Variants in SLC44A5 observed in about 807,000 individuals in gnomAD.
SLC44A5 encodes the protein choline transporter-like protein 5.
Under a neutral mutation model 101.8 loss-of-function variants are expected in SLC44A5, and 57 were observed. That is an observed-to-expected ratio of 0.56 (90% CI 0.45 to 0.70). SLC44A5 has a LOEUF of 0.70. SLC44A5 is among the 30% of genes least tolerant of loss of function. SLC44A5 has a pLI of 0.00. For synonymous variants in SLC44A5, 281 were observed against 290.9 expected, an observed-to-expected ratio of 0.97 and a Z score of 0.35; for missense variants, 737 against 853.1, an observed-to-expected ratio of 0.86 and a Z score of 1.70.
At chr1:75,701,399 C>G in the SLC44A5 span, among the ~76,000 whole-genome samples, 1 of 152,136 alleles carries the variant, frequency 6.6e-6, no homozygotes, top group Non-Finnish European at 1.5e-5. Context: ...GAACCAACAA[C>G]AAAAACCATA....
intron 4 of SLC44A5, among the ~76,000 whole-genome samples, chr1:75,336,901 AC>A (rs1175416208): frequency 4.6e-5 from 7 of 152,196 alleles, no homozygotes; most frequent in African/African-American, 1.7e-4. Flanking sequence ...AGCGCAGAGA[AC>A]TCTGCTACTA....
At chr1:75,506,154 C>A (rs1183877584) in intron 2 of SLC44A5, among the ~76,000 whole-genome samples, 2 of 151,990 alleles carry the variant, frequency 1.3e-5, no homozygotes, top group Admixed American at 6.6e-5. Flanking sequence ...GAAGACCAGA[C>A]AGTTGTAGGT....
chr1:75,443,379 A>G (rs1665319287), intron 2 of SLC44A5, among the ~76,000 whole-genome samples: 1 of 152,072 alleles, frequency 6.6e-6, no homozygotes, highest in South Asian at 2.1e-4. Context: ...ACATAAAAAA[A>G]GAAAACACAA....
chr1:75,445,360 G>T (rs1040314262), intron 2 of SLC44A5, among the ~76,000 whole-genome samples: 3 of 151,986 alleles, frequency 2.0e-5, no homozygotes, highest in African/African-American at 7.3e-5. Flanking sequence ...GCAGATGCTG[G>T]TGCCATCTTT....
chr1:75,240,843 G>T (rs1648562757), intron 9 of SLC44A5, among the ~76,000 whole-genome samples: 1 of 151,970 alleles, frequency 6.6e-6, no homozygotes, highest in Admixed American at 6.6e-5. Flanking sequence ...CCACAGTTTT[G>T]CCACTCCCAA....
At chr1:75,633,626 A>G in the SLC44A5 span, among the ~76,000 whole-genome samples, 4 of 152,078 alleles carry the variant, frequency 2.6e-5, no homozygotes, top group Non-Finnish European at 5.9e-5. Context: ...TTGGGCTGAG[A>G]CAATGGGGTT....
At chr1:75,554,469 CAA>C (rs35263222) in intron 1 of SLC44A5, among the ~76,000 whole-genome samples, 9 of 123,352 alleles carry the variant, frequency 7.3e-5, no homozygotes, top group South Asian at 2.8e-4. Context: ...GTGACTCTGT[CAA>C]AAAAAAAAAA....
chr1:75,243,144 A>C, intron 7 of SLC44A5, 133 bp from the exon 8 acceptor site: 1 of 1,101,584 alleles, frequency 9.1e-7, no homozygotes, highest in Non-Finnish European at 1.2e-6. Flanking sequence ...ACCTAAATCA[A>C]TTTCCTTGCT....
intron 2 of SLC44A5, among the ~76,000 whole-genome samples, chr1:75,412,825 A>G (rs115970216): frequency 1.3e-3 from 204 of 152,198 alleles, no homozygotes; most frequent in Admixed American, 2.1e-3. Context: ...TATCTATGCA[A>G]CCCACTCATT....
chr1:75,554,394 G>A (rs1672107714), intron 1 of SLC44A5, among the ~76,000 whole-genome samples: 1 of 149,146 alleles, frequency 6.7e-6, no homozygotes, highest in African/African-American at 2.5e-5. Flanking sequence ...CTTGAACCCA[G>A]GAAACAGAGG....
chr1:75,667,799 T>A, the SLC44A5 span, among the ~76,000 whole-genome samples: 1 of 152,224 alleles, frequency 6.6e-6, no homozygotes, highest in Non-Finnish European at 1.5e-5. Context: ...TTTTTTGCCA[T>A]GTGAACATAC....
At chr1:75,641,335 G>A in the SLC44A5 span, 1 of 707,836 alleles carries the variant, frequency 1.4e-6, no homozygotes, top group Non-Finnish European at 2.5e-6. Context: ...TGCAAAACAT[G>A]AGGAATCTCT....
chr1:75,567,853 G>A (rs986765934), intron 1 of SLC44A5, among the ~76,000 whole-genome samples: 5 of 152,174 alleles, frequency 3.3e-5, no homozygotes, highest in South Asian at 2.1e-4. Flanking sequence ...TTTCCACACT[G>A]ATATTCAAGG....
chr1:75,517,785 C>A (rs776919150), intron 2 of SLC44A5, among the ~76,000 whole-genome samples: 1 of 152,232 alleles, frequency 6.6e-6, no homozygotes, highest in Non-Finnish European at 1.5e-5. Flanking sequence ...ATCAGCATCT[C>A]TAAGAGTTTT....
intron 2 of SLC44A5, among the ~76,000 whole-genome samples, chr1:75,485,852 G>A (rs115242532): frequency 6.6e-6 from 1 of 152,240 alleles, no homozygotes; most frequent in African/African-American, 2.4e-5. Context: ...ACTTTACATA[G>A]TGGCAGGAGA....
chr1:75,248,850 G>A (rs183218525), intron 7 of SLC44A5, among the ~76,000 whole-genome samples: 1 of 152,176 alleles, frequency 6.6e-6, no homozygotes, highest in African/African-American at 2.4e-5. Flanking sequence ...TAAGTGAAAG[G>A]GGACAATGGA....
the SLC44A5 span, among the ~76,000 whole-genome samples, chr1:75,663,609 T>C: frequency 6.6e-6 from 1 of 152,140 alleles, no homozygotes; most frequent in African/African-American, 2.4e-5. Context: ...CTTGAAACAC[T>C]GAACAAACCA....
At chr1:75,579,035 G>A (rs1673533551) in intron 1 of SLC44A5, among the ~76,000 whole-genome samples, 1 of 151,964 alleles carries the variant, frequency 6.6e-6, no homozygotes, top group Non-Finnish European at 1.5e-5. Flanking sequence ...ATAGTAATAT[G>A]GATTAAAAGC....
chr1:75,314,615 G>C (rs145995805), intron 4 of SLC44A5, among the ~76,000 whole-genome samples: 1 of 152,222 alleles, frequency 6.6e-6, no homozygotes, highest in African/African-American at 2.4e-5. Flanking sequence ...AGCACATAAA[G>C]AATTTCAATT....
Sources: gnomAD v4.1 joint callset for allele counts (sites outside exome capture counted in the v4.1 genomes callset) on GRCh38, gnomAD v4.1.1 for gene constraint, MANE v1.5 for transcripts, NCBI Gene and HGNC (gene_info 2026-07-23, HGNC 2026-07-21) for gene names.